Variants in FBXL17 observed in about 807,000 individuals in gnomAD.
FBXL17 encodes the protein F-box and leucine rich repeat protein 17, also known as F-box/LRR-repeat protein 17.
A neutral mutation model predicts 66.2 loss-of-function variants in FBXL17; 22 were observed. The ratio of observed to expected loss-of-function variants is 0.33; its 90% CI spans 0.24 to 0.47. The LOEUF (loss-of-function observed/expected upper bound fraction) is 0.47. FBXL17 is among the 20% of genes least tolerant of loss of function. The probability of loss-of-function intolerance (pLI) is 1.00; values close to 1 mark genes in which losing one functional copy is unlikely to be tolerated. For synonymous variants in FBXL17, 474 were observed against 400.5 expected (o/e 1.18, Z -2.19); for missense variants, 878 against 948.2 (o/e 0.93, Z 0.97).
At chr5:108,006,293 G>A (rs1452159464) in intron 7 of FBXL17, among the ~76,000 whole-genome samples, 1 of 152,166 alleles carries the variant, frequency 6.6e-6, no homozygotes, top group East Asian at 1.9e-4. Flanking sequence ...TTATAAGATA[G>A]GAAGAAGACA....
intron 6 of FBXL17, among the ~76,000 whole-genome samples, chr5:108,151,116 A>G (rs1029771269): frequency 2.0e-5 from 3 of 152,158 alleles, no homozygotes; most frequent in African/African-American, 7.2e-5. Flanking sequence ...TACTCAGTAT[A>G]AAGAGTCTCT....
At chr5:108,124,355 C>A (rs1750616278) in intron 6 of FBXL17, among the ~76,000 whole-genome samples, 1 of 152,014 alleles carries the variant, frequency 6.6e-6, no homozygotes, top group Admixed American at 6.5e-5. Context: ...ATTTCTAGGT[C>A]TTTGACCTTG....
chr5:108,021,691 C>A (rs1348207184), intron 6 of FBXL17, among the ~76,000 whole-genome samples: 1 of 150,994 alleles, frequency 6.6e-6, no homozygotes. Flanking sequence ...ATAGGCCTAG[C>A]GGAAGTTGTA....
At chr5:108,298,269 T>C in intron 4 of FBXL17, 4 of 984,820 alleles carry the variant, frequency 4.1e-6, no homozygotes, top group Non-Finnish European at 4.8e-6. Context: ...CTTACTACTA[T>C]GTGAACAAGA....
intron 6 of FBXL17, among the ~76,000 whole-genome samples, chr5:108,136,690 G>A (rs984924620): frequency 6.6e-6 from 1 of 152,220 alleles, no homozygotes; most frequent in Middle Eastern, 3.4e-3. Flanking sequence ...TTTGCACTGT[G>A]GATAAAGCCC....
chr5:108,090,631 T>C (rs917440622), intron 6 of FBXL17, among the ~76,000 whole-genome samples: 1 of 152,240 alleles, frequency 6.6e-6, no homozygotes, highest in Non-Finnish European at 1.5e-5. Context: ...ATTTAATTTA[T>C]AGGTAATTAA....
intron 6 of FBXL17, among the ~76,000 whole-genome samples, chr5:108,084,446 A>G (rs1280217353): frequency 6.6e-6 from 1 of 152,224 alleles, no homozygotes; most frequent in Non-Finnish European, 1.5e-5. Flanking sequence ...AAACTCACCC[A>G]AAATAAGTTT....
At chr5:108,190,715 G>A (rs1753437809) in intron 5 of FBXL17, among the ~76,000 whole-genome samples, 1 of 152,156 alleles carries the variant, frequency 6.6e-6, no homozygotes. Flanking sequence ...ATGTGTCAAG[G>A]ATCTGAGTCA....
intron 7 of FBXL17, among the ~76,000 whole-genome samples, chr5:107,959,751 C>T (rs58192942): frequency 2.4e-3 from 366 of 152,280 alleles, no homozygotes; most frequent in African/African-American, 8.3e-3. Context: ...TTGATTGACA[C>T]AGAATAGGGC....
intron 7 of FBXL17, among the ~76,000 whole-genome samples, chr5:107,980,664 A>ATATTTTTTTTTTTT: frequency 1.6e-5 from 1 of 62,106 alleles, no homozygotes; most frequent in Non-Finnish European, 2.7e-5. Flanking sequence ...ATATATATAT[A>ATATTTTTTTTTTTT]TTTTTTTTTT....
intron 8 of FBXL17, among the ~76,000 whole-genome samples, chr5:107,868,747 T>G (rs1748356126): frequency 6.6e-6 from 1 of 152,228 alleles, no homozygotes; most frequent in African/African-American, 2.4e-5. Context: ...GCACCTGACC[T>G]GTTCCTTGAG....
chr5:107,914,359 T>C (rs868486545), intron 7 of FBXL17, among the ~76,000 whole-genome samples: 1 of 152,122 alleles, frequency 6.6e-6, no homozygotes, highest in African/African-American at 2.4e-5. Context: ...TGCTGAAAGG[T>C]AAAGGGGATG....
At position 108,340,633 on chromosome 5, in the gene FBXL17, G is replaced by T. The variant is rs1482425888; in HGVS notation, c.1506+7766C>A. ...ACATAAAGAATGGCATCATTAATGT[G>T]CTAACTAGGTCAAAACAATTTACTT... On this transcript the variant is annotated intron_variant, in intron 4 of 8. Coordinates refer to ENST00000542267, the MANE Select transcript of FBXL17 (RefSeq NM_001163315.3). 2.0e-5 allele frequency among the ~76,000 whole-genome samples: 3 copies of T among 152,214 alleles called. No homozygotes were observed. In the East Asian group the frequency reaches 5.8e-4, roughly 29 times the overall value.
At position 108,017,560 on chromosome 5, in the gene FBXL17, C is replaced by T. The variant is rs148035156; in HGVS notation, c.1822+3365G>A. Among the ~76,000 whole-genome samples the T allele has an allele frequency of 1.9e-3, 283 of 152,260 alleles. 2 individuals are homozygous for T. The highest frequency in any genetic ancestry group is 6.5e-3 in the African/African-American group (268 of 41,538). On this transcript the variant is annotated intron_variant, in intron 7 of 8. Coordinates refer to ENST00000542267, the MANE Select transcript of FBXL17 (RefSeq NM_001163315.3). ...CTAACGTATGTGGCATGTATCATCA[C>T]GTGGATTAACAGATGGCAAAACTAG...
chr5:107,883,722 C>T (rs1206366182), intron 7 of FBXL17, among the ~76,000 whole-genome samples: 2 of 152,158 alleles, frequency 1.3e-5, no homozygotes, highest in Non-Finnish European at 2.9e-5. Flanking sequence ...CAGCACCTAG[C>T]ACATGCCTCG....
chr5:108,206,479 T>C (rs1754123796), intron 5 of FBXL17, among the ~76,000 whole-genome samples: 1 of 152,170 alleles, frequency 6.6e-6, no homozygotes, highest in Non-Finnish European at 1.5e-5. Flanking sequence ...ACAACCAACA[T>C]AATATATGTC....
intron 4 of FBXL17, among the ~76,000 whole-genome samples, chr5:108,328,757 T>C (rs939324472): frequency 2.0e-5 from 3 of 152,076 alleles, no homozygotes; most frequent in Non-Finnish European, 4.4e-5. Context: ...TATCTCAATA[T>C]ATTGTAAAAT....
At chr5:107,870,048 C>G (rs1345652641) in intron 8 of FBXL17, among the ~76,000 whole-genome samples, 1 of 152,114 alleles carries the variant, frequency 6.6e-6, no homozygotes, top group African/African-American at 2.4e-5. Flanking sequence ...ATCCCAATGC[C>G]CAGGCCATAT....
chr5:107,942,328 C>G (rs1245504980), intron 7 of FBXL17, among the ~76,000 whole-genome samples: 1 of 152,208 alleles, frequency 6.6e-6, no homozygotes, highest in South Asian at 2.1e-4. Context: ...TTCCCAATGG[C>G]AGGTTCCACA....
Sources: gnomAD v4.1 joint callset for allele counts (sites outside exome capture counted in the v4.1 genomes callset) on GRCh38, gnomAD v4.1.1 for gene constraint, MANE v1.5 for transcripts, NCBI Gene and HGNC (gene_info 2026-07-23, HGNC 2026-07-21) for gene names.